Variants in MID2 observed in about 807,000 individuals in gnomAD.
MID2 encodes the protein probable E3 ubiquitin-protein ligase MID2.
In MID2, 13 loss-of-function variants were observed where a neutral mutation model predicts 46.1. That is an observed-to-expected ratio of 0.28 (90% CI 0.18 to 0.45). The LOEUF (loss-of-function observed/expected upper bound fraction) is 0.45. Among genes scored for constraint, MID2 ranks in the 20% least tolerant of loss-of-function variants. The pLI is 1.00. For synonymous variants in MID2, 199 were observed against 212.3 expected (o/e 0.94, Z 0.55); for missense variants, 431 against 575.4 (o/e 0.75, Z 2.57).
intron 5 of MID2, among the ~76,000 whole-genome samples, 158 bp from the exon 6 acceptor site, chrX:107,915,844 T>G (rs1932960903): frequency 8.9e-6 from 1 of 111,983 alleles, no homozygotes; most frequent in Non-Finnish European, 1.9e-5. Context: ...GATTAAAATT[T>G]AAATAGTTTC....
chrX:107,926,555 G>C (rs759424413), intron 9 of MID2, 116 bp from the exon 10 acceptor site: 1 of 769,902 alleles, frequency 1.3e-6, no homozygotes, highest in Non-Finnish European at 1.9e-6. Context: ...GCATCTAAGT[G>C]TAAACTATTT....
chrX:107,852,411 A>G (rs1218981884), intron 2 of MID2, among the ~76,000 whole-genome samples: 1 of 111,698 alleles, frequency 9.0e-6, no homozygotes, highest in African/African-American at 3.3e-5. Flanking sequence ...TCTGACATCA[A>G]TTTAGCTTAG....
At chrX:107,845,525 A>ACACACACACTCTCTCTCTCTCT (rs1276957001) in intron 2 of MID2, among the ~76,000 whole-genome samples, 46 of 72,948 alleles carry the variant, frequency 6.3e-4, no homozygotes, top group African/African-American at 3.3e-3. Context: ...ACACACACAC[A>ACACACACACTCTCTCTCTCTCT]CTCTCTCTCT....
chrX:107,847,082 C>A (rs1443198454), intron 2 of MID2, among the ~76,000 whole-genome samples: 1 of 112,234 alleles, frequency 8.9e-6, no homozygotes, highest in Non-Finnish European at 1.9e-5. Context: ...GAGGTAATGC[C>A]TTATTCTTTG....
chrX:107,887,555 T>C (rs1051720084), intron 3 of MID2, among the ~76,000 whole-genome samples: 1 of 111,909 alleles, frequency 8.9e-6, no homozygotes, highest in African/African-American at 3.3e-5. Flanking sequence ...TTTGCATCGA[T>C]GTTCATCAGG....
intron 2 of MID2, among the ~76,000 whole-genome samples, chrX:107,851,299 T>C (rs1931607209): frequency 9.0e-6 from 1 of 111,673 alleles, no homozygotes; most frequent in Non-Finnish European, 1.9e-5. Context: ...ATTTCACAAA[T>C]TCTTCCAAAA....
intron 9 of MID2, 89 bp downstream of exon 9, chrX:107,926,390 T>A: frequency 1.2e-6 from 1 of 833,275 alleles, no homozygotes; most frequent in Non-Finnish European, 1.7e-6. Context: ...ATAATACCAA[T>A]AAGTCAAGGT....
In MID2 at chrX:107,840,568, G is replaced by C. The variant is rs774931306; in HGVS notation, c.5-102G>C. On this transcript the variant is annotated intron_variant, in intron 1 of 9. Coordinates refer to ENST00000262843, the MANE Select transcript of MID2 (RefSeq NM_012216.4). The stretch of plus-strand genomic sequence containing the variant: ...CTTTTCTATTGCTTAAGCATCTCTG[G>C]GGAATCCAGCACGTAAACGCGCCCA... The C allele has an allele frequency of 7.8e-6, 5 of 644,377 alleles. No homozygotes were observed. In the Admixed American group the frequency reaches 1.5e-4, roughly 20 times the overall value. The allele number at this position is 644,377 out of a possible 1,213,427, so 53.1% of individuals were successfully genotyped here.
At chrX:107,906,720 G>A (rs1225679783) in intron 5 of MID2, among the ~76,000 whole-genome samples, 4 of 111,342 alleles carry the variant, frequency 3.6e-5, no homozygotes, top group East Asian at 2.8e-4. Context: ...CAAGTAGCTG[G>A]GATTATAGGC....
At chrX:107,871,186 A>G (rs1232331998) in intron 3 of MID2, among the ~76,000 whole-genome samples, 1 of 111,367 alleles carries the variant, frequency 9.0e-6, no homozygotes, top group Non-Finnish European at 1.9e-5. Flanking sequence ...TTTGATTACA[A>G]GGTTATTTAG....
chrX:107,925,976 G>T, intron 8 of MID2, 118 bp from the exon 9 acceptor site: 1 of 531,212 alleles, frequency 1.9e-6, no homozygotes, highest in East Asian at 3.5e-5. Flanking sequence ...ACTTGCACTG[G>T]ACCAAGAGTG....
intron 3 of MID2, among the ~76,000 whole-genome samples, chrX:107,897,076 A>G (rs1410810186): frequency 8.9e-6 from 1 of 111,958 alleles, no homozygotes. Context: ...TTAGCACTAT[A>G]AAAGTATTAA....
At chrX:107,874,952 G>A (rs752075719) in intron 3 of MID2, among the ~76,000 whole-genome samples, 38 of 111,318 alleles carry the variant, frequency 3.4e-4, no homozygotes, top group Non-Finnish European at 7.0e-4. Flanking sequence ...AAATTGAGAA[G>A]AGCCTTACTA....
chrX:107,886,202 C>A (rs1306243277), intron 3 of MID2, among the ~76,000 whole-genome samples: 1 of 111,974 alleles, frequency 8.9e-6, no homozygotes, highest in African/African-American at 3.3e-5. Flanking sequence ...TTGCCCATGC[C>A]TATGTCCTGA....
intron 7 of MID2, among the ~76,000 whole-genome samples, chrX:107,923,800 AG>A (rs759934229): frequency 8.9e-6 from 1 of 111,979 alleles, no homozygotes; most frequent in East Asian, 2.8e-4. Context: ...TAAAAATACC[AG>A]GGTTCTATTC....
intron 3 of MID2, among the ~76,000 whole-genome samples, chrX:107,885,664 A>G (rs1462846152): frequency 9.0e-6 from 1 of 111,634 alleles, no homozygotes. Context: ...GACAAATGGT[A>G]TTTCTAGTTC....
intron 3 of MID2, chrX:107,895,220 G>A (rs746604617): frequency 9.4e-6 from 1 of 106,907 alleles, no homozygotes; most frequent in South Asian, 4.3e-4. Context: ...TTTTTTGGGG[G>A]GGGGGTGGAT....
chrX:107,854,906 T>C (rs905916681), intron 3 of MID2, among the ~76,000 whole-genome samples: 1 of 111,653 alleles, frequency 9.0e-6, no homozygotes, highest in Non-Finnish European at 1.9e-5. Context: ...ACGGTGATGA[T>C]GGACAGTGGG....
Position 107,881,974 on chromosome X carries a change from A to G in MID2, c.817-21984A>G, listed in dbSNP as rs764014179. ...CTTTAAAATGCCTCAGCAGACAGTA[A>G]CCAAAGCAGCATGGTACTGGTACCA... On this transcript the variant is annotated intron_variant, in intron 3 of 9. Coordinates refer to ENST00000262843, the MANE Select transcript of MID2 (RefSeq NM_012216.4). Among the ~76,000 whole-genome samples the G allele has an allele frequency of 3.6e-5, 4 of 112,459 alleles. No individual in the cohort carries two copies. The South Asian group carries it at 1.5e-3, about 41-fold the overall frequency.
Sources: gnomAD v4.1 joint callset for allele counts (sites outside exome capture counted in the v4.1 genomes callset) on GRCh38, gnomAD v4.1.1 for gene constraint, MANE v1.5 for transcripts, NCBI Gene and HGNC (gene_info 2026-07-23, HGNC 2026-07-21) for gene names.